The following SLC9A9 variants were observed in gnomAD, a reference collection of about 807,000 sequenced individuals.
SLC9A9 encodes the protein solute carrier family 9 member A9.
Under a neutral mutation model 77.8 loss-of-function variants are expected in SLC9A9, and 62 were observed. The ratio of observed to expected loss-of-function variants is 0.80; its 90% confidence interval spans 0.65 to 0.98. The LOEUF (loss-of-function observed/expected upper bound fraction) is 0.98. SLC9A9 is among the 50% of genes least tolerant of loss of function. SLC9A9 has a pLI of 0.00. For synonymous variants in SLC9A9, 320 were observed against 283.5 expected (o/e 1.13, Z -1.29); for missense variants, 775 against 774.9 (o/e 1.00, Z 0.00).
intron 14 of SLC9A9, among the ~76,000 whole-genome samples, chr3:143,275,553 T>C (rs1172610771): frequency 6.6e-6 from 1 of 152,174 alleles, no homozygotes; most frequent in East Asian, 1.9e-4. Flanking sequence ...ATTTCTGATT[T>C]TTTTCTTCCC....
At chr3:143,431,774 A>G (rs185438487) in intron 12 of SLC9A9, among the ~76,000 whole-genome samples, 32 of 152,194 alleles carry the variant, frequency 2.1e-4, no homozygotes, top group Admixed American at 2.0e-3. Flanking sequence ...AAGGCCCTGT[A>G]TGATCTTCCC....
chr3:143,282,752 T>C (rs1938261518), intron 14 of SLC9A9, among the ~76,000 whole-genome samples: 1 of 152,220 alleles, frequency 6.6e-6, no homozygotes, highest in African/African-American at 2.4e-5. Context: ...TGTGGTGGCA[T>C]CATGGAGCTC....
At chr3:143,426,609 T>C (rs1168629566) in intron 12 of SLC9A9, among the ~76,000 whole-genome samples, 1 of 152,210 alleles carries the variant, frequency 6.6e-6, no homozygotes, top group African/African-American at 2.4e-5. Flanking sequence ...GTTTTTCAAA[T>C]ATACCTGCAT....
intron 6 of SLC9A9, among the ~76,000 whole-genome samples, chr3:143,606,449 T>TATATAC (rs1280622890): frequency 7.0e-6 from 1 of 143,384 alleles, no homozygotes; most frequent in African/African-American, 2.6e-5. Flanking sequence ...TATATATATA[T>TATATAC]ATATATATAT....
intron 6 of SLC9A9, among the ~76,000 whole-genome samples, chr3:143,647,647 C>T (rs76521071): frequency 0.052 from 7,865 of 152,178 alleles, 222 homozygotes; most frequent in East Asian, 0.084. Context: ...CCTAAGAATA[C>T]GCATATATTT....
intron 9 of SLC9A9, among the ~76,000 whole-genome samples, chr3:143,527,738 C>T (rs760693802): frequency 6.6e-6 from 1 of 152,188 alleles, no homozygotes; most frequent in Non-Finnish European, 1.5e-5. Context: ...CACATCCCTC[C>T]CAATGTTTAA....
At chr3:143,826,134 C>G (rs1445806902) in intron 2 of SLC9A9, among the ~76,000 whole-genome samples, 1 of 151,992 alleles carries the variant, frequency 6.6e-6, no homozygotes, top group East Asian at 1.9e-4. Context: ...TGGCACATAC[C>G]TGTAGTCCCA....
chr3:143,596,479 G>C (rs535597486), intron 6 of SLC9A9, among the ~76,000 whole-genome samples: 2 of 152,256 alleles, frequency 1.3e-5, no homozygotes, highest in South Asian at 4.2e-4. Context: ...ATTTCCATAA[G>C]TTAATATTGA....
At chr3:143,287,042 C>A (rs1256462302) in intron 14 of SLC9A9, among the ~76,000 whole-genome samples, 1 of 152,136 alleles carries the variant, frequency 6.6e-6, no homozygotes, top group Non-Finnish European at 1.5e-5. Flanking sequence ...CTCAGTAATT[C>A]AGAACTCAAA....
intron 6 of SLC9A9, among the ~76,000 whole-genome samples, chr3:143,583,534 T>C (rs978943376): frequency 6.6e-6 from 1 of 152,206 alleles, no homozygotes; most frequent in East Asian, 1.9e-4. Flanking sequence ...TGAATCTGAG[T>C]TCTGGGTGTA....
At chr3:143,285,094 A>G (rs1938346234) in intron 14 of SLC9A9, among the ~76,000 whole-genome samples, 1 of 152,086 alleles carries the variant, frequency 6.6e-6, no homozygotes, top group Admixed American at 6.6e-5. Context: ...GCTCAAAACT[A>G]TACTATATAT....
intron 14 of SLC9A9, among the ~76,000 whole-genome samples, chr3:143,310,148 C>CA (rs1313318915): frequency 1.3e-5 from 2 of 152,172 alleles, no homozygotes; most frequent in Non-Finnish European, 2.9e-5. Flanking sequence ...GCTGAACTGA[C>CA]AGAGGCTGTA....
intron 12 of SLC9A9, among the ~76,000 whole-genome samples, chr3:143,415,919 T>A (rs1425879465): frequency 2.6e-5 from 4 of 152,206 alleles, no homozygotes; most frequent in African/African-American, 9.6e-5. Context: ...AGAACATTCA[T>A]GATTCATGGA....
At chr3:143,478,726 G>T (rs2035523999) in intron 11 of SLC9A9, among the ~76,000 whole-genome samples, 1 of 152,188 alleles carries the variant, frequency 6.6e-6, no homozygotes, top group African/African-American at 2.4e-5. Context: ...AAACCTGAGG[G>T]CAGAATTAGA....
At chr3:143,643,126 T>C (rs1196578381) in intron 6 of SLC9A9, among the ~76,000 whole-genome samples, 1 of 152,164 alleles carries the variant, frequency 6.6e-6, no homozygotes, top group Non-Finnish European at 1.5e-5. Context: ...TCAGAAAAGA[T>C]TCTGTTTTTT....
intron 12 of SLC9A9, among the ~76,000 whole-genome samples, chr3:143,426,566 T>A (rs7622846): frequency 0.025 from 3,752 of 152,302 alleles, 66 homozygotes; most frequent in Middle Eastern, 0.048. Context: ...CTAAATAATT[T>A]AAAAAATATC....
At chr3:143,425,726 A>G (rs1554672) in intron 12 of SLC9A9, among the ~76,000 whole-genome samples, 95,782 of 152,034 alleles carry the variant, frequency 0.63, 30,504 homozygotes, top group African/African-American at 0.72. Context: ...TTTTCCAGTT[A>G]GCTTCGGTTG....
rs148579962 is a variant in SLC9A9 at position 143,727,133 on chromosome 3, A to G, written c.534-33826T>C. On this transcript the variant is annotated intron_variant, in intron 4 of 15. Transcript: ENST00000316549. ...CAAAAAGAGAACAAACTTATAATTAACACCATCTGGCACATAGCAGGTATT... is the reference window on the plus strand; with the variant it reads ...CAAAAAGAGAACAAACTTATAATTAGCACCATCTGGCACATAGCAGGTATT... 8.9e-3 allele frequency among the ~76,000 whole-genome samples: 1,358 copies of G among 152,300 alleles called. 23 individuals carry two copies. The highest frequency in any genetic ancestry group is 0.03 in the African/African-American group (1,263 of 41,560).
rs550196771 is a variant in SLC9A9, at chr3:143,637,193, A to G, written c.755+15062T>C. 1.3e-4 allele frequency among the ~76,000 whole-genome samples: 20 copies of G among 152,310 alleles called. No individual in the cohort carries two copies. The South Asian group carries it at 3.9e-3, about 30-fold the overall frequency. On this transcript the variant is annotated intron_variant, in intron 6 of 15. Coordinates refer to ENST00000316549, the MANE Select transcript of SLC9A9 (RefSeq NM_173653.4). ...AAAATATGGATCATAAGGGAGTTCA[A>G]CGAGATCCAAGGGGAAGTTGAAAAC...
Sources: gnomAD v4.1 joint callset for allele counts (sites outside exome capture counted in the v4.1 genomes callset) on GRCh38, gnomAD v4.1.1 for gene constraint, MANE v1.5 for transcripts, NCBI Gene and HGNC (gene_info 2026-07-23, HGNC 2026-07-21) for gene names.